Variants in ZC3H3 observed in about 807,000 individuals in gnomAD.
ZC3H3 encodes the protein zinc finger CCCH-type containing 3.
ZC3H3 carries 36 observed loss-of-function variants against 77.3 expected under a neutral mutation model. The ratio of observed to expected loss-of-function variants is 0.47; its 90% CI spans 0.36 to 0.61. The LOEUF is 0.61. Among genes scored for constraint, ZC3H3 ranks in the 20% least tolerant of loss-of-function variants. ZC3H3 has a pLI of 0.00. For missense variants in ZC3H3, 1,331 were observed against 1,312.2 expected, an observed-to-expected ratio of 1.01 and a Z score of -0.22; for synonymous variants, 626 against 555.2, an observed-to-expected ratio of 1.13 and a Z score of -1.79.
intron 4 of ZC3H3, chr8:143,484,960 C>A (rs150961623): frequency 4.6e-6 from 2 of 431,346 alleles, no homozygotes; most frequent in Non-Finnish European, 9.2e-6. Flanking sequence ...GCAAAAACCA[C>A]GGGAAAACCA....
At chr8:143,474,647 T>C (rs1450248508) in intron 5 of ZC3H3, among the ~76,000 whole-genome samples, 1 of 152,156 alleles carries the variant, frequency 6.6e-6, no homozygotes, top group Non-Finnish European at 1.5e-5. Context: ...CTGTTCTCTC[T>C]CTAGGTCCCA....
chr8:143,498,027 G>A (rs1821401700), intron 4 of ZC3H3, among the ~76,000 whole-genome samples: 1 of 152,242 alleles, frequency 6.6e-6, no homozygotes, highest in Admixed American at 6.5e-5. Context: ...GCCAGACAGA[G>A]ATCAGGCCCT....
Position 143,462,632 on chromosome 8 carries a change from G to T in ZC3H3, c.2307+3085C>A, listed in dbSNP as rs1344195542. ...AGCTGAAACCCAAGGCTCAGCCAGG[G>T]CCTTCCCTCTCCCGACAGCTCCCTG... On this transcript the variant is annotated intron_variant, in intron 9 of 11. Coordinates refer to ENST00000262577, the MANE Select transcript of ZC3H3 (RefSeq NM_015117.3). This position sits in a 1 kb window ranked among gnomAD's most constrained non-coding sequence, Gnocchi z 4.7. Among the ~76,000 whole-genome samples, 2 of 152,222 alleles carry T rather than the reference G, an allele frequency of 1.3e-5. No individual in the cohort carries two copies. Among genetic ancestry groups the T allele is most frequent in the African/African-American group, 4.8e-5 (2 of 41,450 alleles).
intron 3 of ZC3H3, among the ~76,000 whole-genome samples, chr8:143,508,374 G>A (rs908002540): frequency 2.0e-5 from 3 of 152,208 alleles, no homozygotes; most frequent in African/African-American, 7.2e-5. Context: ...CAGGGGAGGG[G>A]CGCTGGAGCA....
chr8:143,438,879 C>T (rs1819651878), intron 11 of ZC3H3, among the ~76,000 whole-genome samples: 1 of 152,228 alleles, frequency 6.6e-6, no homozygotes, highest in South Asian at 2.1e-4. Flanking sequence ...ACAGACTACA[C>T]AGGCTCTGAC....
intron 4 of ZC3H3, among the ~76,000 whole-genome samples, chr8:143,486,299 G>C (rs141846897): frequency 6.6e-6 from 1 of 152,254 alleles, no homozygotes; most frequent in Non-Finnish European, 1.5e-5. Context: ...GGAATGCTCT[G>C]CAGTGGGCGG....
intron 4 of ZC3H3, among the ~76,000 whole-genome samples, chr8:143,486,851 C>T (rs1206805741): frequency 8.6e-6 from 1 of 116,082 alleles, no homozygotes; most frequent in Non-Finnish European, 1.7e-5. Context: ...TACACGGCCC[C>T]ACCACCACGA....
chr8:143,463,539 G>C (rs1230685588), intron 9 of ZC3H3, among the ~76,000 whole-genome samples: 2 of 152,238 alleles, frequency 1.3e-5, no homozygotes, highest in African/African-American at 2.4e-5. Context: ...GACGCCGGCC[G>C]CGGATCAGAA....
At chr8:143,526,896 G>A (rs1401272813) in intron 3 of ZC3H3, among the ~76,000 whole-genome samples, 5 of 152,180 alleles carry the variant, frequency 3.3e-5, no homozygotes, top group Admixed American at 6.5e-5. Context: ...TGGGAGAACC[G>A]AGAGCTGGTG....
chr8:143,470,526 C>T (rs1194869275), intron 5 of ZC3H3, among the ~76,000 whole-genome samples: 1 of 152,218 alleles, frequency 6.6e-6, no homozygotes, highest in Admixed American at 6.5e-5. Context: ...TCACACCTGC[C>T]AGCCTGTGGG....
At chr8:143,473,564 A>G (rs969430712) in intron 5 of ZC3H3, among the ~76,000 whole-genome samples, 3 of 152,166 alleles carry the variant, frequency 2.0e-5, no homozygotes, top group African/African-American at 7.2e-5. Flanking sequence ...TGCTCTGCCC[A>G]CTGCCTCTAG....
intron 3 of ZC3H3, among the ~76,000 whole-genome samples, chr8:143,518,703 G>C (rs1822142161): frequency 6.6e-6 from 1 of 152,268 alleles, no homozygotes; most frequent in Non-Finnish European, 1.5e-5. Flanking sequence ...GCCCACCAAA[G>C]CTGGAGATGG....
At chr8:143,516,785 G>A (rs1446946246) in intron 3 of ZC3H3, among the ~76,000 whole-genome samples, 1 of 152,192 alleles carries the variant, frequency 6.6e-6, no homozygotes, top group Non-Finnish European at 1.5e-5. Flanking sequence ...CTGGCCTCGC[G>A]TCCCTGGGAC....
intron 3 of ZC3H3, among the ~76,000 whole-genome samples, chr8:143,517,794 G>A (rs796280801): frequency 2.6e-5 from 4 of 152,094 alleles, no homozygotes; most frequent in Admixed American, 6.5e-5. Flanking sequence ...TTGACCCCCC[G>A]CTCCTGCCTG....
At chr8:143,514,510 G>A (rs1358881727) in intron 3 of ZC3H3, among the ~76,000 whole-genome samples, 3 of 152,232 alleles carry the variant, frequency 2.0e-5, no homozygotes, top group African/African-American at 7.2e-5. Flanking sequence ...AGACTGACAT[G>A]CACACGGTGG....
rs145193951 is a variant in ZC3H3 at position 143,472,798 on chromosome 8, C to T, written c.1903+2600G>A. Among the ~76,000 whole-genome samples the T allele has an allele frequency of 6.0e-3, 915 of 152,318 alleles. 6 individuals carry two copies. The highest frequency in any genetic ancestry group is 0.02 in the African/African-American group (815 of 41,568). Reference sequence around the variant, plus strand: ...CCCCTCCGTGGGTCCCGCGGGTGCACGGTGCAGGGAGAATCCCAAGGACGC... The same window carrying T: ...CCCCTCCGTGGGTCCCGCGGGTGCATGGTGCAGGGAGAATCCCAAGGACGC... On this transcript the variant is annotated intron_variant, in intron 5 of 11. Transcript: ENST00000262577.
At chr8:143,540,584 T>G (rs1269451584) in intron 1 of ZC3H3, among the ~76,000 whole-genome samples, 2 of 152,118 alleles carry the variant, frequency 1.3e-5, no homozygotes, top group African/African-American at 4.8e-5. Context: ...AATGTTTAAG[T>G]GTGGAAGCTG....
chr8:143,446,853 G>A (rs529340968), intron 9 of ZC3H3, among the ~76,000 whole-genome samples: 71 of 152,322 alleles, frequency 4.7e-4, no homozygotes, highest in African/African-American at 1.6e-3. Context: ...GCCCGCAACC[G>A]GAGAACTGTC....
intron 4 of ZC3H3, among the ~76,000 whole-genome samples, chr8:143,503,539 C>G (rs1283181090): frequency 1.4e-5 from 2 of 146,642 alleles, no homozygotes; most frequent in African/African-American, 5.0e-5. Flanking sequence ...ACCACCTCCT[C>G]CAGCACCCAG....
Sources: gnomAD v4.1 joint callset for allele counts (sites outside exome capture counted in the v4.1 genomes callset) on GRCh38, gnomAD v4.1.1 for gene constraint, Gnocchi (gnomAD v3.1) non-coding constraint, MANE v1.5 for transcripts, NCBI Gene and HGNC (gene_info 2026-07-23, HGNC 2026-07-21) for gene names.